Variants in MALRD1 observed in about 807,000 individuals in gnomAD.
The protein encoded by MALRD1 is MAM and LDL-receptor class A domain-containing protein 1.
MALRD1 carries 247 observed loss-of-function variants against 242.1 expected under a neutral mutation model. That is an observed-to-expected ratio of 1.02 (90% CI 0.92 to 1.13). The LOEUF (loss-of-function observed/expected upper bound fraction) is 1.13, where lower values mean the gene tolerates loss of function less well. Ranked by LOEUF, MALRD1 falls within the 50% of genes most tolerant of loss-of-function variation. The probability of loss-of-function intolerance (pLI) is 0.00; values close to 1 mark genes in which losing one functional copy is unlikely to be tolerated. For synonymous variants in MALRD1, 995 were observed against 866.6 expected, an observed-to-expected ratio of 1.15 and a Z score of -2.60; for missense variants, 2,989 against 2,533.1, an observed-to-expected ratio of 1.18 and a Z score of -3.86.
At chr10:19,718,512 C>T (rs577773436) in intron 38 of MALRD1, among the ~76,000 whole-genome samples, 20 of 152,180 alleles carry the variant, frequency 1.3e-4, no homozygotes, top group Non-Finnish European at 2.6e-4. Flanking sequence ...ATCACCTAGG[C>T]GATGTGGCGC....
intron 29 of MALRD1, among the ~76,000 whole-genome samples, chr10:19,455,066 T>C (rs964206790): frequency 7.2e-5 from 11 of 152,150 alleles, no homozygotes; most frequent in Admixed American, 2.6e-4. Context: ...CTCTCCTTTT[T>C]GGACAAGTTA....
chr10:19,520,854 T>C (rs945249764), intron 31 of MALRD1, among the ~76,000 whole-genome samples: 3 of 152,168 alleles, frequency 2.0e-5, no homozygotes, highest in Admixed American at 6.5e-5. Flanking sequence ...GCAATGCTGG[T>C]CTGAAAATAT....
Position 19,204,916 on chromosome 10 carries a change from G to A in MALRD1, c.2229G>A (p.Leu743=). The A allele has an allele frequency of 1.9e-6, 3 of 1,548,756 alleles. No homozygotes were observed. Among genetic ancestry groups the A allele is most frequent in the Non-Finnish European group, 2.6e-6 (3 of 1,145,546 alleles). ...ILSFWFYNYG[L]SVGAAELQLH... ...TTTTTAGGTTCTATAACTATGGCCT[G>A]TCAGTGGGAGCAGCTGAGCTGCAGC... Residue 743 remains leucine (L), a synonymous_variant, in exon 17 of 40, where the codon CTG becomes CTA. Transcript: ENST00000454679.
intron 36 of MALRD1, among the ~76,000 whole-genome samples, chr10:19,636,490 T>TA (rs893766185): frequency 1.3e-5 from 2 of 152,010 alleles, no homozygotes; most frequent in South Asian, 2.1e-4. Context: ...AAAAGTGGAT[T>TA]AAAAAAAATT....
chr10:19,595,372 G>C lies in MALRD1; in HGVS notation c.5859G>C (p.Pro1953=). Residue 1953 remains proline (P), a synonymous_variant, in exon 34 of 40, where the codon CCG becomes CCC. Coordinates refer to ENST00000454679, the MANE Select transcript of MALRD1 (RefSeq NM_001142308.3). ...CACTCTGTAGTAACATGGAGTTCCC[G>C]TGCTCTACAGACGAGTGTATACCTT... is the stretch of plus-strand genomic sequence containing the variant. ...TPPLCSNMEF[P]CSTDECIPSL... The C allele has an allele frequency of 6.4e-7, 1 of 1,550,402 alleles. No individual in the cohort carries two copies. The highest frequency in any genetic ancestry group is 8.7e-7 in the Non-Finnish European group (1 of 1,146,852).
intron 32 of MALRD1, among the ~76,000 whole-genome samples, chr10:19,555,368 C>T (rs966346546): frequency 3.9e-5 from 6 of 152,066 alleles, no homozygotes; most frequent in African/African-American, 1.4e-4. Context: ...ATTGGGAAAG[C>T]TGGGTAGGAC....
intron 38 of MALRD1, among the ~76,000 whole-genome samples, chr10:19,725,562 A>G (rs1438705609): frequency 6.6e-6 from 1 of 152,210 alleles, no homozygotes; most frequent in East Asian, 1.9e-4. Flanking sequence ...GGCAATCTCT[A>G]TCGAAAATTC....
At chr10:19,328,291 A>G (rs1190459331) in intron 23 of MALRD1, among the ~76,000 whole-genome samples, 1 of 152,162 alleles carries the variant, frequency 6.6e-6, no homozygotes, top group East Asian at 1.9e-4. Flanking sequence ...TTACCAAGAA[A>G]GCAAGACCTC....
At chr10:19,568,623 T>C (rs760772324) in intron 33 of MALRD1, among the ~76,000 whole-genome samples, 2 of 152,088 alleles carry the variant, frequency 1.3e-5, no homozygotes, top group African/African-American at 2.4e-5. Flanking sequence ...AAATCTCATA[T>C]AATCACCACT....
chr10:19,673,583 CT>C (rs1483464760), intron 36 of MALRD1, among the ~76,000 whole-genome samples: 1 of 152,066 alleles, frequency 6.6e-6, no homozygotes, highest in East Asian at 1.9e-4. Flanking sequence ...ATTTTTTGAG[CT>C]TCTATTACTA....
intron 14 of MALRD1, among the ~76,000 whole-genome samples, chr10:19,180,332 A>T (rs755358384): frequency 1.3e-5 from 2 of 152,230 alleles, no homozygotes; most frequent in Non-Finnish European, 2.9e-5. Flanking sequence ...CATCTTTTCT[A>T]TACCAAGAGA....
In MALRD1 at chr10:19,349,228, C is replaced by T. The variant is rs529059492; in HGVS notation, c.4149+1210C>T. Reference sequence around the variant, plus strand: ...TGCCCACCTTGACCTCCCAAAGTGTCGGGATTACAGGCGTGAGCCCCTGCG... The same window carrying T: ...TGCCCACCTTGACCTCCCAAAGTGTTGGGATTACAGGCGTGAGCCCCTGCG... On this transcript the variant is annotated intron_variant, in intron 25 of 39. Coordinates refer to ENST00000454679, the MANE Select transcript of MALRD1 (RefSeq NM_001142308.3). 7.1e-4 allele frequency among the ~76,000 whole-genome samples: 108 copies of T among 152,152 alleles called. 2 individuals are homozygous for T. In the South Asian group the frequency reaches 0.02, roughly 29 times the overall value.
chr10:19,698,716 G>C (rs1318615031), intron 38 of MALRD1, among the ~76,000 whole-genome samples: 2 of 152,106 alleles, frequency 1.3e-5, no homozygotes, highest in East Asian at 1.9e-4. Flanking sequence ...AAATCTCCCC[G>C]GAGCTGCATC....
chr10:19,378,818 A>G (rs919367135), intron 26 of MALRD1, among the ~76,000 whole-genome samples: 1 of 152,122 alleles, frequency 6.6e-6, no homozygotes, highest in Non-Finnish European at 1.5e-5. Flanking sequence ...TAATATTGAC[A>G]TCATAAAATA....
chr10:19,712,839 A>G (rs1834196765), intron 38 of MALRD1, among the ~76,000 whole-genome samples: 1 of 152,358 alleles, frequency 6.6e-6, no homozygotes, highest in South Asian at 2.1e-4. Context: ...GATAGCCAGC[A>G]AAAGCATGTT....
intron 28 of MALRD1, among the ~76,000 whole-genome samples, chr10:19,398,737 T>C (rs1231844732): frequency 6.6e-6 from 1 of 152,226 alleles, no homozygotes; most frequent in African/African-American, 2.4e-5. Flanking sequence ...GCTCAATGTT[T>C]ACATTATTTA....
chr10:19,504,018 C>A (rs75500903), intron 31 of MALRD1, among the ~76,000 whole-genome samples: 5,335 of 152,212 alleles, frequency 0.035, 179 homozygotes, highest in African/African-American at 0.087. Context: ...TCAGAAAACA[C>A]CCCCAAATAA....
At chr10:19,568,958 A>G (rs1836380091) in intron 33 of MALRD1, among the ~76,000 whole-genome samples, 2 of 152,168 alleles carry the variant, frequency 1.3e-5, no homozygotes, top group East Asian at 3.8e-4. Flanking sequence ...TATTCACATA[A>G]TAATATGAAC....
At chr10:19,185,622 AG>A (rs778594770) in intron 14 of MALRD1, among the ~76,000 whole-genome samples, 6 of 152,326 alleles carry the variant, frequency 3.9e-5, no homozygotes, top group Non-Finnish European at 8.8e-5. Flanking sequence ...TCCACAGCAG[AG>A]ATGCATAATA....
Sources: allele counts gnomAD v4.1 joint callset (sites outside exome capture counted in the v4.1 genomes callset), GRCh38; gene constraint gnomAD v4.1.1; transcripts MANE v1.5; gene names NCBI Gene and HGNC (gene_info 2026-07-23, HGNC 2026-07-21).